The following ARFGEF1 variants were observed in gnomAD, a reference collection of about 807,000 sequenced individuals.
ARFGEF1 encodes brefeldin A-inhibited guanine nucleotide-exchange protein 1.
In ARFGEF1, 42 loss-of-function variants were observed where a neutral mutation model predicts 231.0. The ratio of observed to expected loss-of-function variants is 0.18; its 90% CI spans 0.14 to 0.24. The LOEUF is 0.24. ARFGEF1 is among the 10% of genes least tolerant of loss of function. The probability of loss-of-function intolerance (pLI) is 1.00; values close to 1 mark genes in which losing one functional copy is unlikely to be tolerated. For synonymous variants in ARFGEF1, 710 were observed against 732.3 expected (o/e 0.97, Z 0.49); for missense variants, 1,345 against 2,192.0 (o/e 0.61, Z 7.72).
intron 34 of ARFGEF1, among the ~76,000 whole-genome samples, chr8:67,211,114 G>A (rs1015344858): frequency 1.3e-5 from 2 of 150,426 alleles, no homozygotes; most frequent in African/African-American, 2.4e-5. Flanking sequence ...GGGAGGCTGA[G>A]GCGGGCAGAT....
intron 7 of ARFGEF1, among the ~76,000 whole-genome samples, chr8:67,287,542 T>C (rs536290316): frequency 6.6e-6 from 1 of 152,330 alleles, no homozygotes; most frequent in African/African-American, 2.4e-5. Context: ...GGGGTAATCT[T>C]GAAGGCCTCC....
chr8:67,214,236 G>A (rs957237403), intron 33 of ARFGEF1, among the ~76,000 whole-genome samples: 1 of 152,198 alleles, frequency 6.6e-6, no homozygotes, highest in Non-Finnish European at 1.5e-5. Flanking sequence ...TGCTTCTGGT[G>A]AGGTCTTAGA....
downstream of ARFGEF1, chr8:67,195,378 G>A (rs142626075): frequency 6.2e-6 from 10 of 1,611,278 alleles, no homozygotes; most frequent in Admixed American, 5.0e-5. Context: ...CTTGCCTCCT[G>A]TAGATGATGA....
chr8:67,183,688 C>A (rs553199514), intron 5 of ARFGEF1, among the ~76,000 whole-genome samples: 26 of 152,182 alleles, frequency 1.7e-4, no homozygotes, highest in African/African-American at 6.3e-4. Context: ...TGTATGCATT[C>A]AGTTAAATGT....
intron 1 of ARFGEF1, 22 bp downstream of exon 1, chr8:67,343,142 C>T (rs1231762754): frequency 6.3e-7 from 1 of 1,594,880 alleles, no homozygotes; most frequent in Non-Finnish European, 8.5e-7. Flanking sequence ...CACCCCATCC[C>T]CCGGGCCTCC....
intron 1 of ARFGEF1, among the ~76,000 whole-genome samples, chr8:67,306,734 T>C (rs1806763153): frequency 6.6e-6 from 1 of 152,204 alleles, no homozygotes; most frequent in Non-Finnish European, 1.5e-5. Context: ...AAGTGGTAAT[T>C]TAAGGAAAGC....
At chr8:67,320,381 C>G (rs1587312005) in intron 1 of ARFGEF1, among the ~76,000 whole-genome samples, 1 of 151,846 alleles carries the variant, frequency 6.6e-6, no homozygotes, top group Non-Finnish European at 1.5e-5. Flanking sequence ...TATGGAGCAA[C>G]AAGAACGCAA....
At chr8:67,203,332 C>CCAGTTTTA in intron 35 of ARFGEF1, 81 bp from the exon 36 acceptor site, 1 of 1,491,814 alleles carries the variant, frequency 6.7e-7, no homozygotes, top group Admixed American at 1.9e-5. Context: ...TCCCCAAAGA[C>CCAGTTTTA]CAGTTTTACA....
At chr8:67,321,483 T>C (rs574329853) in intron 1 of ARFGEF1, among the ~76,000 whole-genome samples, 5 of 152,098 alleles carry the variant, frequency 3.3e-5, no homozygotes, top group Admixed American at 1.3e-4. Context: ...GTTTTTGAGA[T>C]GGAGTCTCGC....
intron 5 of ARFGEF1, among the ~76,000 whole-genome samples, chr8:67,191,393 G>C (rs1836201313): frequency 1.3e-5 from 2 of 152,342 alleles, no homozygotes; most frequent in Admixed American, 1.3e-4. Context: ...CCAAGTAACA[G>C]ATGTTGCTAT....
chr8:67,307,899 T>C (rs991663903), intron 1 of ARFGEF1, among the ~76,000 whole-genome samples: 7 of 152,220 alleles, frequency 4.6e-5, no homozygotes, highest in African/African-American at 1.7e-4. Context: ...GAACAACAGC[T>C]GAGGTTAGGT....
At chr8:67,310,744 C>T (rs1307300691) in intron 1 of ARFGEF1, among the ~76,000 whole-genome samples, 1 of 151,876 alleles carries the variant, frequency 6.6e-6, no homozygotes, top group Non-Finnish European at 1.5e-5. Flanking sequence ...CTCTGCCCGG[C>T]CGCGACCCCG....
chr8:67,316,477 T>C (rs78662727), intron 1 of ARFGEF1, among the ~76,000 whole-genome samples: 2 of 152,006 alleles, frequency 1.3e-5, no homozygotes, highest in Admixed American at 6.5e-5. Flanking sequence ...TTTTTTTTTT[T>C]CTGAGACGGG....
intron 7 of ARFGEF1, among the ~76,000 whole-genome samples, chr8:67,278,644 G>A (rs896084787): frequency 7.9e-5 from 12 of 151,946 alleles, no homozygotes; most frequent in East Asian, 5.8e-4. Flanking sequence ...TCAGGAGTTC[G>A]AGACTAGCCT....
intron 16 of ARFGEF1, 102 bp downstream of exon 16, chr8:67,257,983 T>C: frequency 1.6e-6 from 2 of 1,230,848 alleles, no homozygotes; most frequent in South Asian, 2.9e-5. Context: ...CTAAATTCTC[T>C]AAACAGGGGA....
intron 1 of ARFGEF1, among the ~76,000 whole-genome samples, chr8:67,306,585 G>A (rs1035355026): frequency 8.6e-4 from 131 of 151,728 alleles, no homozygotes; most frequent in African/African-American, 3.1e-3. Flanking sequence ...AATACAACCC[G>A]CAAAATAATA....
chr8:67,236,365 A>AAAAAT (rs1554638966), intron 22 of ARFGEF1, among the ~76,000 whole-genome samples: 3 of 29,064 alleles, frequency 1.0e-4, no homozygotes, highest in African/African-American at 1.3e-4. Context: ...AAAAAAAAAA[A>AAAAAT]ATATATATAT....
intron 9 of ARFGEF1, among the ~76,000 whole-genome samples, chr8:67,275,117 T>G (rs1805258338): frequency 6.6e-6 from 1 of 152,090 alleles, no homozygotes; most frequent in Non-Finnish European, 1.5e-5. Flanking sequence ...TCTATAGAAT[T>G]TTTTTAAATT....
chr8:67,192,584 CTTAA>C lies in ARFGEF1; in HGVS notation c.560+7808_560+7811del, dbSNP rs529803671. The stretch of plus-strand genomic sequence containing the variant: ...TCACTCTTTCTTGGGCTTTTGGTGT[CTTAA>C]TTAAGAAACCATTGCCAACCACAAG... On this transcript the variant is annotated intron_variant, in intron 5 of 5. Coordinates refer to the ARFGEF1 transcript ENST00000518789. Among the ~76,000 whole-genome samples the C allele has an allele frequency of 1.3e-3, 195 of 152,128 alleles. 5 individuals are homozygous for C. The South Asian group carries it at 0.038, about 30-fold the overall frequency.
Sources: gnomAD v4.1 joint callset for allele counts (sites outside exome capture counted in the v4.1 genomes callset) on GRCh38, gnomAD v4.1.1 for gene constraint, MANE v1.5 for transcripts, NCBI Gene and HGNC (gene_info 2026-07-23, HGNC 2026-07-21) for gene names.